The following PTGER3 variants were observed in gnomAD, a reference collection of about 807,000 sequenced individuals.
PTGER3 encodes prostaglandin E receptor 3, also known as prostaglandin E2 receptor EP3 subtype.
A neutral mutation model predicts 34.7 loss-of-function variants in PTGER3; 22 were observed. The observed-to-expected ratio is 0.63, with a 90% CI of 0.45 to 0.91. The LOEUF is 0.91. PTGER3 is among the 40% of genes least tolerant of loss of function. The pLI is 0.00. For synonymous variants in PTGER3, 241 were observed against 230.1 expected (o/e 1.05, Z -0.43); for missense variants, 468 against 519.4 (o/e 0.90, Z 0.96).
chr1:70,973,483 T>C (rs1024710480), intron 3 of PTGER3, among the ~76,000 whole-genome samples: 4 of 152,098 alleles, frequency 2.6e-5, no homozygotes, highest in Non-Finnish European at 5.9e-5. Flanking sequence ...CCCTCAACCA[T>C]GAGGATAAAT....
chr1:70,913,096 G>A (rs1647097000), intron 4 of PTGER3, among the ~76,000 whole-genome samples: 3 of 151,866 alleles, frequency 2.0e-5, no homozygotes, highest in Admixed American at 2.0e-4. Context: ...TTCCATCTTA[G>A]CAATATTTAA....
intron 4 of PTGER3, among the ~76,000 whole-genome samples, chr1:70,941,147 C>T (rs1486695872): frequency 1.3e-5 from 2 of 152,070 alleles, no homozygotes; most frequent in Non-Finnish European, 2.9e-5. Context: ...TAATGCAATA[C>T]TCATATATAA....
At chr1:70,923,162 G>T (rs753806525) in intron 4 of PTGER3, among the ~76,000 whole-genome samples, 1 of 150,940 alleles carries the variant, frequency 6.6e-6, no homozygotes, top group Non-Finnish European at 1.5e-5. Flanking sequence ...GGCTTACTTG[G>T]TATAAAAATC....
chr1:70,899,184 G>C (rs1646783763), intron 4 of PTGER3, among the ~76,000 whole-genome samples: 1 of 152,186 alleles, frequency 6.6e-6, no homozygotes, highest in South Asian at 2.1e-4. Flanking sequence ...CATCTGTTCT[G>C]TTCCTAGCAT....
chr1:70,935,441 C>CA (rs1649118629), intron 4 of PTGER3, among the ~76,000 whole-genome samples: 1 of 151,752 alleles, frequency 6.6e-6, no homozygotes, highest in South Asian at 2.1e-4. Context: ...ATGTTTTAGC[C>CA]ATGAATAGAA....
intron 4 of PTGER3, among the ~76,000 whole-genome samples, chr1:70,939,496 C>T (rs910850846): frequency 3.3e-5 from 5 of 152,240 alleles, no homozygotes; most frequent in African/African-American, 1.2e-4. Flanking sequence ...TTCTGCACTT[C>T]CCTAGTAGAG....
chr1:70,964,960 C>A (rs938129128), intron 2 of PTGER3, among the ~76,000 whole-genome samples: 1 of 152,112 alleles, frequency 6.6e-6, no homozygotes, highest in Non-Finnish European at 1.5e-5. Context: ...AATAAACCAA[C>A]AAATTAAACA....
intron 3 of PTGER3, chr1:70,953,751 T>C: frequency 6.5e-7 from 1 of 1,527,008 alleles, no homozygotes; most frequent in East Asian, 2.5e-5. Flanking sequence ...TAATACTATC[T>C]TTGCAACTTA....
At chr1:70,951,762 C>A (rs1039924727), downstream of PTGER3, among the ~76,000 whole-genome samples, 2 of 152,052 alleles carry the variant, frequency 1.3e-5, no homozygotes, top group African/African-American at 2.4e-5. Context: ...CAAGGACAGA[C>A]AAGACAAAGC....
At chr1:71,045,853 G>T (rs1245806876) in intron 1 of PTGER3, among the ~76,000 whole-genome samples, 1 of 152,012 alleles carries the variant, frequency 6.6e-6, no homozygotes, top group Non-Finnish European at 1.5e-5. Context: ...GAGGCAACTC[G>T]TATCTTTCAT....
intron 1 of PTGER3, among the ~76,000 whole-genome samples, chr1:71,036,607 G>T (rs1029094019): frequency 6.6e-6 from 1 of 152,118 alleles, no homozygotes; most frequent in African/African-American, 2.4e-5. Context: ...TTGGGAGGCC[G>T]AGGTGGGCGG....
chr1:70,938,220 C>G (rs754787913), intron 4 of PTGER3, among the ~76,000 whole-genome samples: 1 of 152,104 alleles, frequency 6.6e-6, no homozygotes, highest in Non-Finnish European at 1.5e-5. Flanking sequence ...GCTAATACAT[C>G]AAATTCAGTG....
intron 4 of PTGER3, among the ~76,000 whole-genome samples, chr1:70,869,848 T>A (rs1270902177): frequency 6.6e-6 from 1 of 152,082 alleles, no homozygotes; most frequent in Non-Finnish European, 1.5e-5. Flanking sequence ...CTGTCATGGG[T>A]TGGAGTTGCA....
chr1:71,003,462 C>A (rs1656668168), intron 2 of PTGER3, among the ~76,000 whole-genome samples: 2 of 152,066 alleles, frequency 1.3e-5, no homozygotes, highest in African/African-American at 4.8e-5. Context: ...CTTGTTGGGC[C>A]AGCACAAGGC....
chr1:70,854,255 G>A (rs549810863), intron 4 of PTGER3, among the ~76,000 whole-genome samples: 14 of 152,098 alleles, frequency 9.2e-5, no homozygotes, highest in African/African-American at 3.4e-4. Flanking sequence ...AATATATAAA[G>A]AATGCCTATA....
chr1:70,877,949 A>G (rs2100576453), intron 4 of PTGER3, among the ~76,000 whole-genome samples: 1 of 152,240 alleles, frequency 6.6e-6, no homozygotes, highest in East Asian at 1.9e-4. Context: ...TATTAGGATC[A>G]TGTTGGCCTC....
chr1:71,004,192 T>C (rs1656735903), intron 2 of PTGER3, among the ~76,000 whole-genome samples: 1 of 152,342 alleles, frequency 6.6e-6, no homozygotes, highest in South Asian at 2.1e-4. Context: ...ATCCATAGTC[T>C]TTTGTAACTT....
At chr1:70,883,069 C>G (rs1646426735) in intron 4 of PTGER3, among the ~76,000 whole-genome samples, 1 of 152,034 alleles carries the variant, frequency 6.6e-6, no homozygotes, top group Non-Finnish European at 1.5e-5. Context: ...TTACAGCAAC[C>G]CTAAAAGTTA....
downstream of PTGER3, among the ~76,000 whole-genome samples, chr1:70,948,813 G>A (rs1572728969): frequency 6.6e-6 from 1 of 152,076 alleles, no homozygotes. Flanking sequence ...TTACAGGAAG[G>A]ACCACAGCCT....
Sources: allele counts gnomAD v4.1 joint callset (sites outside exome capture counted in the v4.1 genomes callset), GRCh38; gene constraint gnomAD v4.1.1; transcripts MANE v1.5; gene names NCBI Gene and HGNC (gene_info 2026-07-23, HGNC 2026-07-21).